ZNF813: variants seen among roughly 807,000 people sequenced by gnomAD.
ZNF813 encodes zinc finger protein 813.
Under a neutral mutation model 7.2 loss-of-function variants are expected in ZNF813, and 3 were observed. The ratio of observed to expected loss-of-function variants is 0.42; its 90% CI spans 0.19 to 1.08. The LOEUF (loss-of-function observed/expected upper bound fraction) is 1.08. Among genes scored for constraint, ZNF813 ranks in the 50% least tolerant of loss-of-function variants. ZNF813 has a pLI of 0.30. For missense variants in ZNF813, 714 were observed against 753.3 expected (o/e 0.95, Z 0.61); for synonymous variants, 227 against 256.3 (o/e 0.89, Z 1.09).
chr19:53,483,125 G>A (rs571261070), intron 1 of ZNF813, among the ~76,000 whole-genome samples: 2 of 152,058 alleles, frequency 1.3e-5, no homozygotes, highest in African/African-American at 4.8e-5. Flanking sequence ...GGCCAGGCTG[G>A]TCTCTGACTT....
At chr19:53,476,770 TCTC>T (rs2086383917) in intron 1 of ZNF813, among the ~76,000 whole-genome samples, 1 of 151,996 alleles carries the variant, frequency 6.6e-6, no homozygotes, top group South Asian at 2.1e-4. Context: ...TTCACACCAT[TCTC>T]CTGCCTCAGC....
chr19:53,489,531 G>T (rs1381673313), intron 3 of ZNF813, among the ~76,000 whole-genome samples: 4 of 151,436 alleles, frequency 2.6e-5, no homozygotes, highest in African/African-American at 9.7e-5. Flanking sequence ...GAACCCAAAA[G>T]GTGGAGGTTG....
At position 53,486,672 on chromosome 19, in the gene ZNF813, A is replaced by C. The variant is rs377156949; in HGVS notation, c.56A>C (p.Gln19Pro). Residue 19 changes from glutamine to proline, a missense_variant, in exon 3 of 4, where the codon CAG (glutamine) becomes CCG (proline). This residue lies in a region of ZNF813 where 29 missense variants were observed against 52.3 expected (regional missense o/e 0.55). Coordinates refer to ENST00000396403, the MANE Select transcript of ZNF813 (RefSeq NM_001004301.4). ...TFRDVAIEFSQEEWKCLDPAQ... is the reference protein window; with the variant it reads ...TFRDVAIEFSPEEWKCLDPAQ... ...AGGGATGTGGCCATAGAATTCTCTC[A>C]GGAGGAGTGGAAATGCCTGGACCCT... 2.5e-6 allele frequency: 4 copies of C among 1,613,980 alleles called. No homozygotes were observed.
intron 3 of ZNF813, chr19:53,488,293 G>A (rs746348651): frequency 2.2e-5 from 10 of 454,624 alleles, no homozygotes; most frequent in South Asian, 4.7e-5. Context: ...AAACTGCTGC[G>A]ATTACAGGTG....
chr19:53,478,809 T>TA (rs1252980655), intron 1 of ZNF813, among the ~76,000 whole-genome samples: 1 of 149,562 alleles, frequency 6.7e-6, no homozygotes, highest in Non-Finnish European at 1.5e-5. Flanking sequence ...AAAAATAAAA[T>TA]AAAAAACAAA....
chr19:53,477,835 G>A (rs1247326603), intron 1 of ZNF813, among the ~76,000 whole-genome samples: 1 of 151,994 alleles, frequency 6.6e-6, no homozygotes, highest in South Asian at 2.1e-4. Context: ...GAATAAAAGG[G>A]GTGGGGGACT....
At position 53,469,753 on chromosome 19, in the gene ZNF813, G is replaced by C. The variant is rs571938689; in HGVS notation, c.-74+1964G>C. ...GCTGGTGGCAAGAACAGAGGGAGAA[G>C]CACAGCAGGGAGGACACCTGGGGAT... is the stretch of plus-strand genomic sequence containing the variant. On this transcript the variant is annotated intron_variant, in intron 1 of 3. Transcript: ENST00000396403. 4.3e-4 allele frequency among the ~76,000 whole-genome samples: 64 copies of C among 150,232 alleles called. 2 individuals carry two copies. The highest frequency in any genetic ancestry group is 3.4e-3 in the Middle Eastern group (1 of 294).
At position 53,490,621 on chromosome 19, in the gene ZNF813, A is replaced by T. The variant is rs2086455150; in HGVS notation, c.389A>T (p.His130Leu). 1 of 1,614,112 alleles carries T rather than the reference A, an allele frequency of 6.2e-7. No homozygotes were observed. Residue 130 changes from histidine to leucine, a missense_variant, in exon 4 of 4, where the codon CAT becomes CTT. His to Leu is a moderately conservative substitution (Grantham distance 99, BLOSUM62 -3). This residue lies in a region of ZNF813 where 563 missense variants were observed against 554.2 expected (regional missense o/e 1.02). Transcript: ENST00000396403. Reference sequence around the variant, plus strand: ...AGTGCAGACCGATATGATCAAAGGCATGCTGGAAACAAGCCTATTAAAGAT... The same window carrying T: ...AGTGCAGACCGATATGATCAAAGGCTTGCTGGAAACAAGCCTATTAAAGAT... ...TGSADRYDQR[H>L]AGNKPIKDQL... is the part of the protein sequence containing the mutation.
chr19:53,478,586 T>C (rs1225624673), intron 1 of ZNF813, among the ~76,000 whole-genome samples: 1 of 152,152 alleles, frequency 6.6e-6, no homozygotes, highest in Non-Finnish European at 1.5e-5. Flanking sequence ...AAGACCAGCC[T>C]GGCCAACATG....
At chr19:53,474,498 G>C (rs1443857719) in intron 1 of ZNF813, among the ~76,000 whole-genome samples, 1 of 152,090 alleles carries the variant, frequency 6.6e-6, no homozygotes, top group Non-Finnish European at 1.5e-5. Context: ...ACCAGTATGA[G>C]CAACATGGTG....
chr19:53,480,332 C>T (rs2086402087), intron 1 of ZNF813, among the ~76,000 whole-genome samples: 1 of 150,248 alleles, frequency 6.7e-6, no homozygotes, highest in African/African-American at 2.5e-5. Flanking sequence ...AATGTGAGCC[C>T]AATGCATGTC....
At position 53,495,251 on chromosome 19, in the gene ZNF813, T is replaced by A. The variant is rs73047486; in HGVS notation, c.*3165T>A. On this transcript the variant is annotated 3_prime_UTR_variant, in exon 4 of 4. Coordinates refer to ENST00000396403, the MANE Select transcript of ZNF813 (RefSeq NM_001004301.4). Reference sequence around the variant, plus strand: ...TGTTGTTGTTGTTTTTTTGAGATGGTGTCTCGCTCTGTCTCCCAGGCTGGA... The same window carrying A: ...TGTTGTTGTTGTTTTTTTGAGATGGAGTCTCGCTCTGTCTCCCAGGCTGGA... 0.069 allele frequency: 10,465 copies of A among 151,872 alleles called. 484 individuals are homozygous for A. The highest frequency in any genetic ancestry group is 0.11 in the South Asian group (523 of 4,808). 9.4% of individuals were successfully genotyped at this position (151,872 alleles called of 1,614,324 possible).
intron 1 of ZNF813, among the ~76,000 whole-genome samples, chr19:53,483,478 G>T: frequency 6.6e-6 from 1 of 152,090 alleles, no homozygotes; most frequent in East Asian, 1.9e-4. Context: ...ATGAGCCACC[G>T]CACCCAGCCT....
chr19:53,479,883 A>G, intron 1 of ZNF813: 1 of 969,396 alleles, frequency 1.0e-6, no homozygotes, highest in South Asian at 1.3e-5. Flanking sequence ...AAGTACCCTC[A>G]AAAAGAAGAC....
chr19:53,470,840 C>T (rs539727136), intron 1 of ZNF813, among the ~76,000 whole-genome samples: 3 of 151,940 alleles, frequency 2.0e-5, no homozygotes, highest in Admixed American at 6.6e-5. Context: ...AGGAGGTAGT[C>T]GAAAGCTAAT....
In ZNF813 at chr19:53,492,882, A is replaced by T; in HGVS notation, c.*796A>T. 2.1e-6 allele frequency: 1 copy of T among 484,934 alleles called. No individual in the cohort carries two copies. Among genetic ancestry groups the T allele is most frequent in the South Asian group, 1.5e-5 (1 of 66,220 alleles). 30.0% of individuals were successfully genotyped at this position (484,934 alleles called of 1,614,324 possible). ...ATACAGGAGAGAAACCTCACGTGTG[A>T]TGATTGTGGCAAAGCCTTTACTTCA... On this transcript the variant is annotated 3_prime_UTR_variant, in exon 4 of 4. Transcript: ENST00000396403.
chr19:53,472,059 A>G (rs12459837), intron 1 of ZNF813, among the ~76,000 whole-genome samples: 43,234 of 151,676 alleles, frequency 0.29, 6,252 homozygotes, highest in East Asian at 0.44. Context: ...ATGATTTAAA[A>G]ACTCGGAATT....
rs747656227 is a variant in ZNF813 at position 53,491,275 on chromosome 19, T to G, written c.1043T>G (p.Leu348Arg). ...QTSSLTCHRR[L>R]HTGEKPFKCN... is the part of the protein sequence containing the mutation. ...TCATCCCTTACATGCCATCGTAGAC[T>G]TCATACTGGAGAGAAACCTTTCAAG... is the stretch of plus-strand genomic sequence containing the variant. The change falls in exon 4 of 4, where the codon CTT becomes CGT. Residue 348 changes from leucine (L) to arginine (R), a missense_variant. Around this residue, in one of 3 missense-constraint regions of ZNF813, gnomAD observed 563 missense variants for 554.2 expected, o/e 1.02. Coordinates refer to ENST00000396403, the MANE Select transcript of ZNF813 (RefSeq NM_001004301.4). 6.2e-7 allele frequency: 1 copy of G among 1,613,840 alleles called. No individual in the cohort carries two copies. Among genetic ancestry groups the G allele is most frequent in the Admixed American group, 1.7e-5 (1 of 59,976 alleles).
intron 3 of ZNF813, among the ~76,000 whole-genome samples, chr19:53,487,684 G>A (rs980404863): frequency 6.6e-6 from 1 of 151,784 alleles, no homozygotes; most frequent in African/African-American, 2.4e-5. Context: ...TGTAAGCCCT[G>A]CTACTCAAGA....
Sources: gnomAD v4.1 joint callset for allele counts (sites outside exome capture counted in the v4.1 genomes callset) on GRCh38, gnomAD v4.1.1 for gene constraint, gnomAD v4.1.1 regional missense constraint, MANE v1.5 for transcripts, NCBI Gene and HGNC (gene_info 2026-07-23, HGNC 2026-07-21) for gene names.